Variants in NOX4 observed in about 807,000 individuals in gnomAD.
NOX4 encodes the protein NADPH oxidase 4, also known as kidney oxidase-1.
A neutral mutation model predicts 87.6 loss-of-function variants in NOX4; 69 were observed. That is an observed-to-expected ratio of 0.79 (90% CI 0.65 to 0.96). The LOEUF (loss-of-function observed/expected upper bound fraction) is 0.96. Among genes scored for constraint, NOX4 ranks in the 40% least tolerant of loss-of-function variants. The pLI, the probability that NOX4 is intolerant of heterozygous loss-of-function variation, is 0.00. For synonymous variants in NOX4, 275 were observed against 238.2 expected (o/e 1.15, Z -1.42); for missense variants, 680 against 681.5 (o/e 1.00, Z 0.02).
chr11:89,546,836 C>G, the NOX4 span: 1 of 152,174 alleles, frequency 6.6e-6, no homozygotes, highest in South Asian at 2.1e-4. Flanking sequence ...CACCCAATTA[C>G]AAGGGCAGAG....
intron 13 of NOX4, among the ~76,000 whole-genome samples, chr11:89,346,805 T>C (rs755791586): frequency 6.6e-6 from 1 of 152,224 alleles, no homozygotes; most frequent in Non-Finnish European, 1.5e-5. Flanking sequence ...CTTAGATCTC[T>C]GAGCCAAAAT....
intron 8 of NOX4, among the ~76,000 whole-genome samples, chr11:89,417,785 T>C (rs966679941): frequency 6.6e-6 from 1 of 152,106 alleles, no homozygotes; most frequent in Non-Finnish European, 1.5e-5. Context: ...GTCTATATTC[T>C]GCCTACTTTG....
At chr11:89,561,310 T>C in the NOX4 span, among the ~76,000 whole-genome samples, 3 of 151,652 alleles carry the variant, frequency 2.0e-5, no homozygotes, top group Non-Finnish European at 2.9e-5. Flanking sequence ...ATAAGGCAGA[T>C]GAAGTGCAAC....
chr11:89,570,708 G>A, the NOX4 span, among the ~76,000 whole-genome samples: 2 of 152,178 alleles, frequency 1.3e-5, no homozygotes, highest in Non-Finnish European at 2.9e-5. Flanking sequence ...GTGCATACCT[G>A]TAGTTGCAGA....
intron 12 of NOX4, among the ~76,000 whole-genome samples, chr11:89,358,386 C>CAAAAAAAAAAAAAAAA (rs10558391): frequency 3.8e-5 from 3 of 78,186 alleles, no homozygotes; most frequent in Admixed American, 1.4e-4. Flanking sequence ...AACTTAATCT[C>CAAAAAAAAAAAAAAAA]AAAAAAAAAA....
the NOX4 span, among the ~76,000 whole-genome samples, chr11:89,564,052 C>T: frequency 3.9e-5 from 6 of 152,078 alleles, no homozygotes; most frequent in Non-Finnish European, 7.4e-5. Context: ...AAATAAATGG[C>T]TTTGTGGTTG....
intron 11 of NOX4, among the ~76,000 whole-genome samples, chr11:89,376,418 T>C (rs2135073432): frequency 6.6e-6 from 1 of 152,338 alleles, no homozygotes; most frequent in South Asian, 2.1e-4. Context: ...TTCATTGTTT[T>C]CTCACTGTCT....
the NOX4 span, among the ~76,000 whole-genome samples, chr11:89,508,632 G>A: frequency 1.3e-5 from 2 of 152,024 alleles, 1 homozygote; most frequent in South Asian, 4.1e-4. Flanking sequence ...GGAGAGGACG[G>A]ATATGAGGAA....
chr11:89,584,677 T>G, the NOX4 span, among the ~76,000 whole-genome samples: 1 of 152,178 alleles, frequency 6.6e-6, no homozygotes, highest in Non-Finnish European at 1.5e-5. Flanking sequence ...AAGTACAGCC[T>G]ATTTTCCTTT....
the NOX4 span, among the ~76,000 whole-genome samples, chr11:89,547,009 GATTAA>G: frequency 1.3e-5 from 2 of 152,114 alleles, no homozygotes; most frequent in Admixed American, 6.5e-5. Context: ...TTGGTGTGGG[GATTAA>G]ATTAAATAAT....
the NOX4 span, among the ~76,000 whole-genome samples, chr11:89,570,690 G>A: frequency 6.6e-6 from 1 of 152,158 alleles, no homozygotes; most frequent in African/African-American, 2.4e-5. Flanking sequence ...AATTCATCAG[G>A]TGTGGTGGTG....
At chr11:89,427,075 G>C (rs1450612195) in intron 7 of NOX4, among the ~76,000 whole-genome samples, 1 of 152,168 alleles carries the variant, frequency 6.6e-6, no homozygotes, top group African/African-American at 2.4e-5. Context: ...AATATTCACT[G>C]TTCTGCAGCC....
chr11:89,487,625 A>G (rs1946682551), intron 2 of NOX4, among the ~76,000 whole-genome samples: 1 of 152,176 alleles, frequency 6.6e-6, no homozygotes, highest in Non-Finnish European at 1.5e-5. Context: ...CACCTAAAAG[A>G]GACTTATAAT....
chr11:89,470,612 A>G (rs1591335687), intron 2 of NOX4, among the ~76,000 whole-genome samples: 2 of 152,112 alleles, frequency 1.3e-5, no homozygotes, highest in Admixed American at 6.5e-5. Flanking sequence ...CTCTCTCTCT[A>G]TTCCACCACT....
intron 2 of NOX4, among the ~76,000 whole-genome samples, chr11:89,454,521 T>G (rs192149974): frequency 8.9e-4 from 135 of 152,270 alleles, no homozygotes; most frequent in Admixed American, 1.8e-3. Flanking sequence ...TACCTAAGAC[T>G]ATTTAGCCAA....
At chr11:89,411,479 A>G (rs1374198454) in intron 8 of NOX4, among the ~76,000 whole-genome samples, 1 of 152,176 alleles carries the variant, frequency 6.6e-6, no homozygotes, top group African/African-American at 2.4e-5. Flanking sequence ...TCCCTGGGCC[A>G]GAGGGGAATG....
the NOX4 span, among the ~76,000 whole-genome samples, chr11:89,568,002 C>T: frequency 1.3e-5 from 2 of 152,314 alleles, no homozygotes; most frequent in African/African-American, 4.8e-5. Context: ...TATCAGAGTA[C>T]TGGTGCTTGT....
rs1469988419 is a variant in NOX4, at chr11:89,491,236, G to A, written c.11C>T (p.Ser4Phe). 4 of 1,613,366 alleles carry A rather than the reference G, an allele frequency of 2.5e-6. No individual in the cohort carries two copies. The South Asian group carries it at 3.3e-5, about 13-fold the overall frequency. The change falls in exon 1 of 18, where the codon TCC becomes TTC. Residue 4 changes from serine to phenylalanine, a missense_variant. Transcript: ENST00000263317. ...TTCGTTGGCGAGCCAGCTCCTCCAGGACACAGCCATGCCGCCGGCCCCGCC... is the reference window on the plus strand; with the variant it reads ...TTCGTTGGCGAGCCAGCTCCTCCAGAACACAGCCATGCCGCCGGCCCCGCC... MAV[S>F]WRSWLANEGV...
intron 11 of NOX4, among the ~76,000 whole-genome samples, chr11:89,398,511 C>T (rs1351447304): frequency 6.6e-6 from 1 of 151,650 alleles, no homozygotes; most frequent in Non-Finnish European, 1.5e-5. Context: ...TTAGGCAAAA[C>T]TTCTTAAGTT....
Sources: gnomAD v4.1 joint callset for allele counts (sites outside exome capture counted in the v4.1 genomes callset) on GRCh38, gnomAD v4.1.1 for gene constraint, MANE v1.5 for transcripts, NCBI Gene and HGNC (gene_info 2026-07-23, HGNC 2026-07-21) for gene names.